Variants in RAB38 observed in about 807,000 individuals in gnomAD.
RAB38 encodes RAB38, member RAS oncogene family.
RAB38 carries 15 observed loss-of-function variants against 18.4 expected under a neutral mutation model. That is an observed-to-expected ratio of 0.82 (90% CI 0.55 to 1.26). The LOEUF (loss-of-function observed/expected upper bound fraction) is 1.26, where lower values mean the gene tolerates loss of function less well. RAB38 is among the 50% of genes most tolerant of loss of function. The pLI is 0.00. For missense variants in RAB38, 294 were observed against 267.4 expected (o/e 1.10, Z -0.69); for synonymous variants, 101 against 104.4 (o/e 0.97, Z 0.20).
chr11:87,931,145 T>C, the RAB38 span, among the ~76,000 whole-genome samples: 1 of 152,140 alleles, frequency 6.6e-6, no homozygotes, highest in Non-Finnish European at 1.5e-5. Context: ...ATCTATAAAT[T>C]ACCTTGGGCA....
At chr11:87,860,537 T>C in the RAB38 span, among the ~76,000 whole-genome samples, 1 of 151,996 alleles carries the variant, frequency 6.6e-6, no homozygotes. Context: ...GAATACGTTT[T>C]TATTGTATCT....
chr11:87,914,985 A>G, the RAB38 span, among the ~76,000 whole-genome samples: 2 of 152,166 alleles, frequency 1.3e-5, no homozygotes, highest in Non-Finnish European at 2.9e-5. Flanking sequence ...CAGAGGTTGT[A>G]TCAGAAAACT....
intron 1 of RAB38, among the ~76,000 whole-genome samples, chr11:88,158,688 T>C (rs1262268268): frequency 6.6e-6 from 1 of 151,902 alleles, no homozygotes; most frequent in Non-Finnish European, 1.5e-5. Context: ...CTCAATAGAC[T>C]CAGAAAAAGC....
the RAB38 span, among the ~76,000 whole-genome samples, chr11:87,803,911 G>C: frequency 6.6e-6 from 1 of 152,206 alleles, no homozygotes; most frequent in African/African-American, 2.4e-5. Context: ...TGTGGCCCAT[G>C]CCCTGCCCTT....
the RAB38 span, among the ~76,000 whole-genome samples, chr11:87,865,537 A>C: frequency 2.0e-5 from 3 of 151,664 alleles, no homozygotes; most frequent in Admixed American, 2.0e-4. Context: ...CAGACGCTTA[A>C]TTTTAGCCCA....
At chr11:87,889,847 C>T in the RAB38 span, among the ~76,000 whole-genome samples, 1 of 151,522 alleles carries the variant, frequency 6.6e-6, no homozygotes, top group Non-Finnish European at 1.5e-5. Context: ...GTTATTTTTG[C>T]AACTAGAATG....
chr11:88,088,245 C>G, the RAB38 span, among the ~76,000 whole-genome samples: 1 of 151,884 alleles, frequency 6.6e-6, no homozygotes, highest in African/African-American at 2.4e-5. Flanking sequence ...CTATGTCCAC[C>G]CACAGCATCA....
At chr11:88,019,904 T>A in the RAB38 span, among the ~76,000 whole-genome samples, 1 of 152,206 alleles carries the variant, frequency 6.6e-6, no homozygotes, top group East Asian at 1.9e-4. Flanking sequence ...TAAATGTTTG[T>A]GGTCTATCTC....
At chr11:87,890,551 C>T in the RAB38 span, among the ~76,000 whole-genome samples, 2 of 151,790 alleles carry the variant, frequency 1.3e-5, no homozygotes, top group African/African-American at 4.8e-5. Context: ...AAAGCCTAAG[C>T]TGTTTAGAAT....
the RAB38 span, among the ~76,000 whole-genome samples, chr11:88,093,770 C>A: frequency 1.1e-4 from 17 of 152,038 alleles, no homozygotes; most frequent in South Asian, 3.5e-3. Flanking sequence ...TCAGCCCCAG[C>A]ATCACTGACA....
chr11:87,958,220 G>A, the RAB38 span, among the ~76,000 whole-genome samples: 3 of 152,208 alleles, frequency 2.0e-5, no homozygotes, highest in Admixed American at 6.5e-5. Context: ...TTGCCCGGCT[G>A]TAGGCCAATG....
At chr11:87,882,148 C>T in the RAB38 span, among the ~76,000 whole-genome samples, 4,195 of 151,958 alleles carry the variant, frequency 0.028, 86 homozygotes, top group East Asian at 0.062. Flanking sequence ...GGATAAAACT[C>T]CTCATTCTTA....
At chr11:87,946,317 T>C in the RAB38 span, among the ~76,000 whole-genome samples, 1 of 152,162 alleles carries the variant, frequency 6.6e-6, no homozygotes, top group Non-Finnish European at 1.5e-5. Context: ...TAGGTCTTCC[T>C]TGATGTATGA....
intron 2 of RAB38, among the ~76,000 whole-genome samples, chr11:88,147,816 C>A (rs189785021): frequency 2.0e-5 from 3 of 152,058 alleles, no homozygotes; most frequent in Non-Finnish European, 4.4e-5. Context: ...TCACTTGAAT[C>A]CGGGGGGTGG....
chr11:87,937,938 A>G, the RAB38 span, among the ~76,000 whole-genome samples: 2 of 138,196 alleles, frequency 1.4e-5, no homozygotes, highest in Admixed American at 1.5e-4. Context: ...ACATTTCTGG[A>G]ATTTTGGTGT....
chr11:88,055,583 G>A, the RAB38 span, among the ~76,000 whole-genome samples: 3 of 152,152 alleles, frequency 2.0e-5, no homozygotes, highest in African/African-American at 7.2e-5. Context: ...GCTTTATCAT[G>A]AAAGAGGTAC....
chr11:87,953,485 A>C, the RAB38 span, among the ~76,000 whole-genome samples: 1 of 152,170 alleles, frequency 6.6e-6, no homozygotes, highest in Non-Finnish European at 1.5e-5. Context: ...AAAATAGGTG[A>C]GTACACCACA....
chr11:87,973,942 A>G, the RAB38 span, among the ~76,000 whole-genome samples: 2 of 151,980 alleles, frequency 1.3e-5, no homozygotes, highest in African/African-American at 2.4e-5. Flanking sequence ...TAGATCATCC[A>G]AACAAAGAAT....
At chr11:88,048,181 C>T in the RAB38 span, among the ~76,000 whole-genome samples, 11 of 152,256 alleles carry the variant, frequency 7.2e-5, no homozygotes, top group African/African-American at 2.4e-4. Flanking sequence ...TACCCTGAGT[C>T]AGGAAACTAA....
Sources: allele counts gnomAD v4.1 joint callset (sites outside exome capture counted in the v4.1 genomes callset), GRCh38; gene constraint gnomAD v4.1.1; transcripts MANE v1.5; gene names NCBI Gene and HGNC (gene_info 2026-07-23, HGNC 2026-07-21).